Variants in RALYL observed in about 807,000 individuals in gnomAD.
The protein encoded by RALYL is RALY RNA binding protein like.
RALYL carries 29 observed loss-of-function variants against 35.1 expected under a neutral mutation model. The ratio of observed to expected loss-of-function variants is 0.83; its 90% confidence interval spans 0.61 to 1.13. The LOEUF (loss-of-function observed/expected upper bound fraction) is 1.13, where lower values mean the gene tolerates loss of function less well. RALYL is among the 50% of genes most tolerant of loss of function. The pLI is 0.00. For missense variants in RALYL, 359 were observed against 360.4 expected (o/e 1.00, Z 0.03); for synonymous variants, 120 against 127.6 (o/e 0.94, Z 0.40).
At chr8:84,885,729 A>T (rs530442309) in intron 7 of RALYL, among the ~76,000 whole-genome samples, 1 of 152,170 alleles carries the variant, frequency 6.6e-6, no homozygotes, top group East Asian at 1.9e-4. Flanking sequence ...CCTTGGTTTG[A>T]TCTACCAGCT....
chr8:84,291,415 A>G (rs1170804428), intron 1 of RALYL, among the ~76,000 whole-genome samples: 1 of 152,190 alleles, frequency 6.6e-6, no homozygotes, highest in Non-Finnish European at 1.5e-5. Context: ...TGTAGAATAA[A>G]TGGGCATTTA....
chr8:84,800,423 A>G (rs1416487170), intron 3 of RALYL, among the ~76,000 whole-genome samples: 1 of 152,222 alleles, frequency 6.6e-6, no homozygotes, highest in South Asian at 2.1e-4. Flanking sequence ...CCTGGCCTTC[A>G]GTAAATACAA....
intron 2 of RALYL, among the ~76,000 whole-genome samples, chr8:84,559,082 G>T (rs1369142597): frequency 6.6e-6 from 1 of 151,360 alleles, no homozygotes; most frequent in Admixed American, 6.6e-5. Context: ...TGTTTGTGTG[G>T]TTCTTCCTCT....
intron 1 of RALYL, among the ~76,000 whole-genome samples, chr8:84,290,595 C>G (rs1435803900): frequency 1.3e-5 from 2 of 152,074 alleles, no homozygotes; most frequent in African/African-American, 4.8e-5. Context: ...AGGCAAGGAC[C>G]GCCCATTTAC....
chr8:84,217,825 TAATAGAATTTCCCACA>T (rs1408664017), intron 1 of RALYL, among the ~76,000 whole-genome samples: 2 of 152,128 alleles, frequency 1.3e-5, no homozygotes, highest in African/African-American at 4.8e-5. Flanking sequence ...ACTAGGAGCC[TAATAGAATTTCCCACA>T]AACTAGTTCT....
At chr8:84,842,494 A>G (rs918174538) in intron 4 of RALYL, among the ~76,000 whole-genome samples, 1 of 152,214 alleles carries the variant, frequency 6.6e-6, no homozygotes, top group Non-Finnish European at 1.5e-5. Context: ...CCAACCAAAA[A>G]AAGTCCAGGA....
At chr8:84,522,504 C>T (rs2058542343) in intron 1 of RALYL, among the ~76,000 whole-genome samples, 1 of 152,064 alleles carries the variant, frequency 6.6e-6, no homozygotes, top group African/African-American at 2.4e-5. Context: ...CCGCCTCGGC[C>T]TCCCAAAGTG....
intron 1 of RALYL, among the ~76,000 whole-genome samples, chr8:84,388,357 C>A (rs1859750583): frequency 6.6e-6 from 1 of 152,058 alleles, no homozygotes; most frequent in African/African-American, 2.4e-5. Flanking sequence ...GGTATATACG[C>A]AGTAATGGGA....
At chr8:84,718,911 C>T (rs1011849805) in intron 2 of RALYL, among the ~76,000 whole-genome samples, 1 of 152,084 alleles carries the variant, frequency 6.6e-6, no homozygotes, top group Non-Finnish European at 1.5e-5. Flanking sequence ...GTATATGATA[C>T]TGAAAATTCT....
intron 2 of RALYL, among the ~76,000 whole-genome samples, chr8:84,657,436 ATGGTT>A (rs1830159571): frequency 6.6e-6 from 1 of 152,204 alleles, no homozygotes; most frequent in Non-Finnish European, 1.5e-5. Flanking sequence ...GAAACTGGTT[ATGGTT>A]TTTTAGAATA....
intron 1 of RALYL, among the ~76,000 whole-genome samples, chr8:84,213,649 C>T (rs1397628436): frequency 1.3e-5 from 2 of 152,078 alleles, no homozygotes; most frequent in Non-Finnish European, 2.9e-5. Flanking sequence ...ACAACACTAA[C>T]ACAAAATACA....
intron 2 of RALYL, among the ~76,000 whole-genome samples, chr8:84,755,246 G>A (rs1811092813): frequency 6.6e-6 from 1 of 152,178 alleles, no homozygotes; most frequent in African/African-American, 2.4e-5. Context: ...CCTAAAAACA[G>A]ATGCTATGTC....
intron 1 of RALYL, among the ~76,000 whole-genome samples, chr8:84,499,531 G>A (rs900127793): frequency 6.6e-6 from 1 of 152,228 alleles, no homozygotes; most frequent in South Asian, 2.1e-4. Flanking sequence ...CAAACACTGA[G>A]CAGAGACAAC....
intron 8 of RALYL, among the ~76,000 whole-genome samples, chr8:84,892,632 C>CAAA (rs1563821582): frequency 1.5e-4 from 22 of 146,676 alleles, no homozygotes; most frequent in East Asian, 3.9e-4. Flanking sequence ...AAAAAACCAA[C>CAAA]ATGGCACATG....
intron 4 of RALYL, among the ~76,000 whole-genome samples, chr8:84,843,728 C>G (rs187641531): frequency 6.6e-6 from 1 of 152,296 alleles, no homozygotes; most frequent in Admixed American, 6.5e-5. Flanking sequence ...TACTACAAGA[C>G]TACAGTAACC....
intron 1 of RALYL, among the ~76,000 whole-genome samples, chr8:84,210,531 C>G (rs1053250774): frequency 2.6e-5 from 4 of 151,758 alleles, no homozygotes. Flanking sequence ...TATGTACAGG[C>G]GCTTATTCAA....
At chr8:84,421,177 C>G (rs1475389805) in intron 1 of RALYL, among the ~76,000 whole-genome samples, 64 of 110,548 alleles carry the variant, frequency 5.8e-4, no homozygotes, top group African/African-American at 2.2e-3. Flanking sequence ...TCCTACCCAT[C>G]AGCATGGAAT....
chr8:84,620,868 G>T (rs1220901722), intron 2 of RALYL, among the ~76,000 whole-genome samples: 2 of 152,150 alleles, frequency 1.3e-5, no homozygotes, highest in Non-Finnish European at 2.9e-5. Context: ...AGGTGTCAGT[G>T]TGCCCCTGCT....
chr8:84,697,324 ATCT>A (rs541810219), intron 2 of RALYL, among the ~76,000 whole-genome samples: 17 of 152,020 alleles, frequency 1.1e-4, no homozygotes, highest in Non-Finnish European at 1.9e-4. Context: ...CTATGAATAA[ATCT>A]TCTTAATGTC....
Sources: allele counts gnomAD v4.1 joint callset (sites outside exome capture counted in the v4.1 genomes callset), GRCh38; gene constraint gnomAD v4.1.1; transcripts MANE v1.5; gene names NCBI Gene and HGNC (gene_info 2026-07-23, HGNC 2026-07-21).